Variants in RUFY3 observed in about 807,000 individuals in gnomAD.
The protein encoded by RUFY3 is protein RUFY3.
RUFY3 carries 34 observed loss-of-function variants against 84.0 expected under a neutral mutation model. The observed-to-expected ratio is 0.40, with a 90% CI of 0.31 to 0.54. RUFY3 has a LOEUF of 0.54. Ranked by LOEUF, RUFY3 falls within the 20% of genes least tolerant of loss-of-function variation. RUFY3 has a pLI of 0.39. For synonymous variants in RUFY3, 242 were observed against 252.9 expected, an observed-to-expected ratio of 0.96 and a Z score of 0.41; for missense variants, 507 against 736.8, an observed-to-expected ratio of 0.69 and a Z score of 3.61.
chr4:70,748,719 T>C (rs530573433), intron 1 of RUFY3, among the ~76,000 whole-genome samples: 1 of 152,232 alleles, frequency 6.6e-6, no homozygotes, highest in African/African-American at 2.4e-5. Flanking sequence ...GATGGCTCAG[T>C]GACATGCTTC....
At position 70,808,420 on chromosome 4, in the gene RUFY3, T is replaced by TAAG. The variant is rs1733035080; in HGVS notation, c.*1765_*1767dup. 6.6e-6 allele frequency among the ~76,000 whole-genome samples: 1 copy of TAAG among 152,196 alleles called. No individual in the cohort carries two copies. Among genetic ancestry groups the TAAG allele is most frequent in the Non-Finnish European group, 1.5e-5 (1 of 68,018 alleles). ...AGATTGTTTCATTCTAATCAAGACC[T>TAAG]AAGAAGGTATGATTCTGTGACTGAT... On this transcript the variant is annotated 3_prime_UTR_variant, in exon 18 of 18. Coordinates refer to ENST00000381006, the MANE Select transcript of RUFY3 (RefSeq NM_001037442.4).
At chr4:70,746,861 A>G (rs1722318208) in intron 1 of RUFY3, among the ~76,000 whole-genome samples, 1 of 152,240 alleles carries the variant, frequency 6.6e-6, no homozygotes, top group African/African-American at 2.4e-5. Context: ...ATAGAAATGA[A>G]GAACAGATTA....
chr4:70,797,180 C>T (rs753059364), intron 14 of RUFY3, among the ~76,000 whole-genome samples: 12 of 151,886 alleles, frequency 7.9e-5, no homozygotes, highest in Non-Finnish European at 1.2e-4. Flanking sequence ...TGGGCTCAAG[C>T]GATATGCCTG....
At chr4:70,763,479 A>ATG (rs1345744327) in intron 2 of RUFY3, 73 bp from the exon 3 acceptor site, 23 of 1,072,972 alleles carry the variant, frequency 2.1e-5, no homozygotes, top group Middle Eastern at 2.1e-4. Context: ...TTGTGTGTGT[A>ATG]TGTGTGTGTG....
At position 70,793,848 on chromosome 4, in the gene RUFY3, C is replaced by G; in HGVS notation, c.1401C>G (p.Asp467Glu). The change falls in exon 13 of 18, where the codon GAC (aspartate) becomes GAG (glutamate). Residue 467 changes from aspartate to glutamate, a missense_variant. By Grantham distance (45) the Asp-to-Glu change is conservative. Around this residue, in one of 4 missense-constraint regions of RUFY3, gnomAD observed 334 missense variants for 364.1 expected, o/e 0.92. Transcript: ENST00000381006. ...AELDNRLFKQ[D>E]FGDKINSLQL... ...TGGACAACCGGCTCTTCAAACAGGACTTTGGAGACAAGATCAACAGTCTGC... is the reference window on the plus strand; with the variant it reads ...TGGACAACCGGCTCTTCAAACAGGAGTTTGGAGACAAGATCAACAGTCTGC... The G allele has an allele frequency of 1.2e-6, 2 of 1,614,108 alleles. No individual in the cohort carries two copies. The highest frequency in any genetic ancestry group is 1.7e-6 in the Non-Finnish European group (2 of 1,180,018).
intron 16 of RUFY3, 138 bp downstream of exon 16, chr4:70,803,121 A>C (rs1732446407): frequency 1.7e-6 from 1 of 584,468 alleles, no homozygotes; most frequent in Non-Finnish European, 3.0e-6. Flanking sequence ...CCCTGAACAA[A>C]TATGTATTGC....
At chr4:70,705,480 G>A (rs1229528172) in intron 1 of RUFY3, among the ~76,000 whole-genome samples, 1 of 152,132 alleles carries the variant, frequency 6.6e-6, no homozygotes, top group Non-Finnish European at 1.5e-5. Flanking sequence ...GAGGCAGCGG[G>A]ACGACCGCGG....
Position 70,793,687 on chromosome 4 carries a change from A to C in RUFY3, c.1338-98A>C. On this transcript the variant is annotated intron_variant, in intron 12 of 17. Coordinates refer to ENST00000381006, the MANE Select transcript of RUFY3 (RefSeq NM_001037442.4). Reference sequence around the variant, plus strand: ...TTTTCCTCTCTCTGTCTCTCTGTGCATTCTTCCTTGGGTTATTTTATTTTG... The same window carrying C: ...TTTTCCTCTCTCTGTCTCTCTGTGCCTTCTTCCTTGGGTTATTTTATTTTG... 4 of 1,600,130 alleles carry C rather than the reference A, an allele frequency of 2.5e-6. No individual in the cohort carries two copies. The African/African-American group carries it at 5.4e-5, about 22-fold the overall frequency.
At position 70,806,577 on chromosome 4, in the gene RUFY3, T is replaced by A. The variant is rs1229892271; in HGVS notation, c.1781T>A (p.Leu594His). The A allele has an allele frequency of 6.2e-7, 1 of 1,614,196 alleles. No homozygotes were observed. Among genetic ancestry groups the A allele is most frequent in the Non-Finnish European group, 8.5e-7 (1 of 1,180,016 alleles). The change falls in exon 18 of 18, where the codon CTT becomes CAT. Residue 594 changes from leucine to histidine, a missense_variant. By Grantham distance (99) the Leu-to-His change is moderately conservative. Transcript: ENST00000381006. ...GCCTGTTCAACAAATGAACTGCCTC[T>A]TCCTTCAAGTATCAAGCTTGAGCGA... ...CDACSTNELP[L>H]PSSIKLERVC...
intron 14 of RUFY3, among the ~76,000 whole-genome samples, chr4:70,797,582 C>T (rs1578253824): frequency 6.6e-6 from 1 of 152,138 alleles, no homozygotes; most frequent in Non-Finnish European, 1.5e-5. Flanking sequence ...CGGTGGCTCA[C>T]ACCTGTAATC....
chr4:70,722,063 T>C lies in RUFY3; in HGVS notation c.-511T>C, dbSNP rs1192917347. On this transcript the variant is annotated 5_prime_UTR_variant, in exon 1 of 18. Transcript: ENST00000381006. ...AGCTCATCTGAGCAGATCCTGGAAG[T>C]GATTTCTGCAGCTCAGGATTTTTTT... 1.6e-6 allele frequency: 2 copies of C among 1,232,184 alleles called. No individual in the cohort carries two copies. The highest frequency in any genetic ancestry group is 2.0e-6 in the Non-Finnish European group (2 of 987,988). The allele number at this position is 1,232,184 out of a possible 1,614,324, so 76.3% of individuals were successfully genotyped here.
At chr4:70,782,291 CTTTT>C (rs768126305) in intron 8 of RUFY3, among the ~76,000 whole-genome samples, 4 of 135,642 alleles carry the variant, frequency 2.9e-5, no homozygotes, top group Admixed American at 7.4e-5. Flanking sequence ...TATTTTATTT[CTTTT>C]TTTTTTTTTT....
chr4:70,783,501 A>G (rs1729279326), intron 9 of RUFY3, among the ~76,000 whole-genome samples: 1 of 152,254 alleles, frequency 6.6e-6, no homozygotes, highest in Admixed American at 6.5e-5. Flanking sequence ...TTACTTTTAT[A>G]GCATGTTACT....
Position 70,789,537 on chromosome 4 carries a change from C to T in RUFY3, c.1282C>T (p.Arg428Cys), listed in dbSNP as rs376050610. 18 of 1,612,762 alleles carry T rather than the reference C, an allele frequency of 1.1e-5. No homozygotes were observed. Among genetic ancestry groups the T allele is most frequent in the Non-Finnish European group, 1.4e-5 (16 of 1,179,272 alleles). The change falls in exon 12 of 18, where the codon CGC (arginine) becomes TGC (cysteine). Residue 428 changes from arginine to cysteine, a missense_variant. This residue lies in a region of RUFY3 where 334 missense variants were observed against 364.1 expected (regional missense o/e 0.92). Coordinates refer to ENST00000381006, the MANE Select transcript of RUFY3 (RefSeq NM_001037442.4). ...GVKQKSELNS[R>C]LEEKTNQMAA... ...AAAACAGAAAAGTGAACTAAACAGTCGCTTGGAAGAGAAGACTAATCAGAT... is the reference window on the plus strand; with the variant it reads ...AAAACAGAAAAGTGAACTAAACAGTTGCTTGGAAGAGAAGACTAATCAGAT...
chr4:70,732,361 T>C (rs556234573), intron 1 of RUFY3, among the ~76,000 whole-genome samples: 2 of 152,356 alleles, frequency 1.3e-5, no homozygotes, highest in Admixed American at 6.5e-5. Context: ...ATCGTAGATA[T>C]CCAACAAACT....
At position 70,788,882 on chromosome 4, in the gene RUFY3, A is replaced by C; in HGVS notation, c.1148A>C (p.Asp383Ala). 1 of 1,614,170 alleles carries C rather than the reference A, an allele frequency of 6.2e-7. No homozygotes were observed. The highest frequency in any genetic ancestry group is 8.5e-7 in the Non-Finnish European group (1 of 1,180,036). ...MELAMKMLEKDVCEKQDALVS... is the reference protein window; with the variant it reads ...MELAMKMLEKAVCEKQDALVS... The stretch of plus-strand genomic sequence containing the variant: ...TTGGCTATGAAGATGCTGGAGAAGG[A>C]TGTCTGTGAGAAGCAGGATGCCCTG... Residue 383 changes from aspartate to alanine, a missense_variant, in exon 11 of 18, where the codon GAT becomes GCT. By Grantham distance (126) the Asp-to-Ala change is moderately radical. Around this residue, in one of 4 missense-constraint regions of RUFY3, gnomAD observed 334 missense variants for 364.1 expected, o/e 0.92. Coordinates refer to ENST00000381006, the MANE Select transcript of RUFY3 (RefSeq NM_001037442.4).
At chr4:70,732,784 A>G (rs993040050) in intron 1 of RUFY3, among the ~76,000 whole-genome samples, 4 of 152,058 alleles carry the variant, frequency 2.6e-5, no homozygotes, top group African/African-American at 9.7e-5. Flanking sequence ...GGGGAGGGAT[A>G]GCATTAGGAG....
At chr4:70,770,453 C>T (rs1726762062) in intron 5 of RUFY3, among the ~76,000 whole-genome samples, 1 of 152,212 alleles carries the variant, frequency 6.6e-6, no homozygotes, top group Non-Finnish European at 1.5e-5. Context: ...TCAGTGCTTG[C>T]TGCTTCAACT....
At chr4:70,765,187 C>CAAA (rs1161964926) in intron 4 of RUFY3, among the ~76,000 whole-genome samples, 1 of 55,720 alleles carries the variant, frequency 1.8e-5, no homozygotes, top group Non-Finnish European at 3.6e-5. Flanking sequence ...GACTCTGTCT[C>CAAA]AAAAAAAAAA....
Sources: allele counts gnomAD v4.1 joint callset (sites outside exome capture counted in the v4.1 genomes callset), GRCh38; gene constraint gnomAD v4.1.1; regional missense constraint gnomAD v4.1.1; transcripts MANE v1.5; gene names NCBI Gene and HGNC (gene_info 2026-07-23, HGNC 2026-07-21).